Variants in C1orf141 observed in about 807,000 individuals in gnomAD.
The protein encoded by C1orf141 is uncharacterized protein C1orf141.
Under a neutral mutation model 23.2 loss-of-function variants are expected in C1orf141, and 19 were observed. The ratio of observed to expected loss-of-function variants is 0.82; its 90% CI spans 0.57 to 1.20. C1orf141 has a LOEUF of 1.20. Among genes scored for constraint, C1orf141 ranks in the 50% most tolerant of loss-of-function variants. The pLI, the probability that C1orf141 is intolerant of heterozygous loss-of-function variation, is 0.00. For missense variants in C1orf141, 469 were observed against 455.1 expected (o/e 1.03, Z -0.28); for synonymous variants, 153 against 154.6 (o/e 0.99, Z 0.08).
At chr1:67,120,324 T>G (rs1646273382) in intron 4 of C1orf141, among the ~76,000 whole-genome samples, 1 of 152,184 alleles carries the variant, frequency 6.6e-6, no homozygotes, top group Non-Finnish European at 1.5e-5. Flanking sequence ...TTCATCCATA[T>G]CTGATTTAGA....
rs1645577813 is a variant in C1orf141, at chr1:67,092,553, T to C, written c.*452A>G. The stretch of plus-strand genomic sequence containing the variant: ...TGCATAAATTGCTAATGTAATACTA[T>C]TGATGATGATTTGCTGAAATGCTGG... On this transcript the variant is annotated 3_prime_UTR_variant, in exon 8 of 8. Coordinates refer to ENST00000684719, the MANE Select transcript of C1orf141 (RefSeq NM_001276351.2). 6.5e-6 allele frequency: 1 copy of C among 153,124 alleles called. No homozygotes were observed. Among genetic ancestry groups the C allele is most frequent in the African/African-American group, 2.4e-5 (1 of 41,464 alleles). 9.5% of individuals were successfully genotyped at this position (153,124 alleles called of 1,614,324 possible). A position where few individuals can be genotyped will look rare whatever the true frequency, so the allele number is the denominator to read the frequency against.
At chr1:67,139,456 C>T (rs1646614206), upstream of C1orf141, among the ~76,000 whole-genome samples, 1 of 152,164 alleles carries the variant, frequency 6.6e-6, no homozygotes, top group Non-Finnish European at 1.5e-5. Context: ...AAAACTGCTA[C>T]CTGAACTTGA....
intron 5 of C1orf141, 58 bp from the exon 6 acceptor site, chr1:67,096,379 T>C: frequency 1.2e-6 from 1 of 850,590 alleles, no homozygotes; most frequent in Non-Finnish European, 1.9e-6. Context: ...TTTAGGAAAA[T>C]ATCTTGCACA....
chr1:67,113,383 T>C (rs1280299055), intron 5 of C1orf141, among the ~76,000 whole-genome samples: 1 of 151,906 alleles, frequency 6.6e-6, no homozygotes. Context: ...TCTTTTTTTT[T>C]AGATGGAGTT....
At chr1:67,125,075 G>A (rs1646378854) in intron 4 of C1orf141, among the ~76,000 whole-genome samples, 1 of 152,122 alleles carries the variant, frequency 6.6e-6, no homozygotes, top group Non-Finnish European at 1.5e-5. Flanking sequence ...ACATATTTAG[G>A]CTGTCCCTTT....
At chr1:67,134,255 T>C (rs1183555056) in intron 1 of C1orf141, among the ~76,000 whole-genome samples, 1 of 152,168 alleles carries the variant, frequency 6.6e-6, no homozygotes, top group Non-Finnish European at 1.5e-5. Context: ...CCGCCCGCCT[T>C]GGCCTCCCAA....
chr1:67,139,507 T>A (rs1289064269), upstream of C1orf141, among the ~76,000 whole-genome samples: 1 of 152,186 alleles, frequency 6.6e-6, no homozygotes, highest in Non-Finnish European at 1.5e-5. Context: ...AAAATTTGAC[T>A]TCTTCAGTCC....
chr1:67,110,916 T>C (rs990029337), intron 5 of C1orf141, among the ~76,000 whole-genome samples: 2 of 148,414 alleles, frequency 1.3e-5, no homozygotes, highest in Non-Finnish European at 3.0e-5. Context: ...TATTTCTTTA[T>C]ATATATATTA....
intron 5 of C1orf141, among the ~76,000 whole-genome samples, chr1:67,107,812 C>T (rs926380774): frequency 6.6e-6 from 1 of 152,158 alleles, no homozygotes; most frequent in African/African-American, 2.4e-5. Context: ...ATCGCTTGAA[C>T]CCAGGAGGTG....
chr1:67,139,380 C>T (rs140543943), upstream of C1orf141, among the ~76,000 whole-genome samples: 30 of 152,236 alleles, frequency 2.0e-4, no homozygotes, highest in Non-Finnish European at 3.2e-4. Flanking sequence ...GTACATGAAA[C>T]GTTCATTATG....
At chr1:67,117,094 C>A (rs556508273) in intron 4 of C1orf141, among the ~76,000 whole-genome samples, 1 of 152,170 alleles carries the variant, frequency 6.6e-6, no homozygotes, top group Admixed American at 6.5e-5. Flanking sequence ...GCACCTATAG[C>A]ATGACTGGTA....
chr1:67,110,032 A>C lies in C1orf141; in HGVS notation c.346+5320T>G, dbSNP rs1646031734. 2.0e-5 allele frequency among the ~76,000 whole-genome samples: 3 copies of C among 152,152 alleles called. 1 individual carries two copies. The highest frequency in any genetic ancestry group is 2.0e-4 in the Admixed American group (3 of 15,280). On this transcript the variant is annotated intron_variant, in intron 5 of 7. Transcript: ENST00000684719. ...TATTACAGAGACATTACTATAATGT[A>C]AATGAAATGATTATTTATAAATAAT...
intron 5 of C1orf141, among the ~76,000 whole-genome samples, chr1:67,109,124 G>A (rs1013422759): frequency 6.6e-6 from 1 of 151,932 alleles, no homozygotes; most frequent in African/African-American, 2.4e-5. Flanking sequence ...TCGGGAGATC[G>A]AGACCATCCT....
intron 7 of C1orf141, 53 bp downstream of exon 7, chr1:67,095,182 A>G (rs1645646068): frequency 2.8e-6 from 3 of 1,058,728 alleles, no homozygotes; most frequent in East Asian, 2.4e-5. Context: ...GGTGATTCCC[A>G]TAAGTCTTAT....
At chr1:67,110,417 G>A (rs1646042985) in intron 5 of C1orf141, among the ~76,000 whole-genome samples, 1 of 152,092 alleles carries the variant, frequency 6.6e-6, no homozygotes, top group African/African-American at 2.4e-5. Flanking sequence ...CTTTGTTATT[G>A]ATTTTCACTA....
At chr1:67,103,390 T>A (rs1645849060) in intron 5 of C1orf141, 1 of 1,354,962 alleles carries the variant, frequency 7.4e-7, no homozygotes, top group East Asian at 2.6e-5. Context: ...CATCTAAACA[T>A]CAGGAAAAAT....
chr1:67,137,117 G>A (rs980206866), upstream of C1orf141, among the ~76,000 whole-genome samples: 5 of 152,150 alleles, frequency 3.3e-5, no homozygotes, highest in Non-Finnish European at 5.9e-5. Context: ...AAGTTAGAAA[G>A]CACATTCCCC....
At chr1:67,140,288 C>A (rs376173934) in intron 1 of C1orf141, among the ~76,000 whole-genome samples, 2 of 151,582 alleles carry the variant, frequency 1.3e-5, no homozygotes, top group East Asian at 3.9e-4. Context: ...TTCTGTATGT[C>A]AAAAAAAGTC....
rs762527020 is a variant in C1orf141 at position 67,115,373 on chromosome 1, T to G, written c.325A>C (p.Asn109His). 7.6e-7 allele frequency: 1 copy of G among 1,320,092 alleles called. No individual in the cohort carries two copies. The allele number at this position is 1,320,092 out of a possible 1,614,324, so 81.8% of individuals were successfully genotyped here. The change falls in exon 5 of 8, where the codon AAT becomes CAT. Residue 109 changes from asparagine (N) to histidine (H), a missense_variant. Asn to His is a moderately conservative substitution (Grantham distance 68). Transcript: ENST00000684719. ...TTACCTGTTGACTCACTTTCTTTAT[T>G]TTTTACATTTGTTTGAATAAAGAAT... ...RPFFIQTNVK[N>H]KESESTAQIE...
Sources: gnomAD v4.1 joint callset for allele counts (sites outside exome capture counted in the v4.1 genomes callset) on GRCh38, gnomAD v4.1.1 for gene constraint, MANE v1.5 for transcripts, NCBI Gene and HGNC (gene_info 2026-07-23, HGNC 2026-07-21) for gene names.